The following LRRC38 variants were observed in gnomAD, a reference collection of about 807,000 sequenced individuals.
LRRC38 encodes leucine-rich repeat-containing protein 38.
Under a neutral mutation model 16.4 loss-of-function variants are expected in LRRC38, and 5 were observed. The ratio of observed to expected loss-of-function variants is 0.31; its 90% CI spans 0.16 to 0.64. The LOEUF is 0.64. LRRC38 is among the 30% of genes least tolerant of loss of function. LRRC38 has a pLI of 0.80. For missense variants in LRRC38, 341 were observed against 401.8 expected, an observed-to-expected ratio of 0.85 and a Z score of 1.29; for synonymous variants, 191 against 190.2, an observed-to-expected ratio of 1.00 and a Z score of -0.04.
rs1047416922 is a variant in LRRC38 at position 13,501,741 on chromosome 1, G to A, written c.631+11222C>T. Among the ~76,000 whole-genome samples, 167 of 144,760 alleles carry A rather than the reference G, an allele frequency of 1.2e-3. 1 individual carries two copies. Among genetic ancestry groups the A allele is most frequent in the African/African-American group, 3.1e-3 (122 of 39,036 alleles). The allele number at this position is 144,760 out of a possible 152,430, so 95.0% of individuals were successfully genotyped here. ...CCCTAGCAGCTGGGATTACAGGTGC[G>A]CGCCACCATGCCCGGCTCATTTTTG... On this transcript the variant is annotated intron_variant, in intron 1 of 1. Coordinates refer to ENST00000376085, the MANE Select transcript of LRRC38 (RefSeq NM_001010847.2).
At chr1:13,497,202 C>T (rs1168322484) in intron 1 of LRRC38, among the ~76,000 whole-genome samples, 2 of 152,008 alleles carry the variant, frequency 1.3e-5, no homozygotes, top group African/African-American at 4.8e-5. Flanking sequence ...AGCTCTGAGC[C>T]GAGGTGGAAC....
At chr1:13,478,490 C>T (rs1638813254) in intron 1 of LRRC38, among the ~76,000 whole-genome samples, 1 of 152,174 alleles carries the variant, frequency 6.6e-6, no homozygotes, top group Admixed American at 6.5e-5. Context: ...TGCCCTTTTC[C>T]CAGTGAGAAT....
intron 1 of LRRC38, among the ~76,000 whole-genome samples, chr1:13,505,483 G>A (rs12722783): frequency 1.3e-5 from 2 of 152,240 alleles, no homozygotes; most frequent in East Asian, 1.9e-4. Flanking sequence ...ATTTGGGCCC[G>A]TCCCTGGATG....
intron 1 of LRRC38, among the ~76,000 whole-genome samples, chr1:13,506,130 G>A (rs1639210512): frequency 1.3e-5 from 2 of 152,128 alleles, no homozygotes; most frequent in African/African-American, 2.4e-5. Flanking sequence ...AGCATCCCAC[G>A]AGATCGCACA....
intron 1 of LRRC38, among the ~76,000 whole-genome samples, chr1:13,504,870 A>AGAAAGC (rs1303767251): frequency 9.9e-5 from 15 of 151,872 alleles, no homozygotes; most frequent in African/African-American, 3.1e-4. Flanking sequence ...AAAGAAAAAG[A>AGAAAGC]GAAAGAAAAG....
chr1:13,512,925 C>A, intron 1 of LRRC38, 38 bp downstream of exon 1: 1 of 1,236,056 alleles, frequency 8.1e-7, no homozygotes, highest in Non-Finnish European at 1.1e-6. Context: ...CTCCCTGCCC[C>A]CCTCCCTCCC....
At chr1:13,498,408 G>A (rs987854492) in intron 1 of LRRC38, among the ~76,000 whole-genome samples, 3 of 152,082 alleles carry the variant, frequency 2.0e-5, no homozygotes, top group Non-Finnish European at 2.9e-5. Flanking sequence ...GAGGCAGGGG[G>A]AATCACAAGG....
intron 1 of LRRC38, among the ~76,000 whole-genome samples, chr1:13,482,027 C>A (rs989703862): frequency 3.9e-5 from 6 of 152,136 alleles, no homozygotes; most frequent in African/African-American, 1.4e-4. Context: ...CCTTCTAAGA[C>A]AGGCCTATTT....
chr1:13,481,223 T>C (rs957912394), intron 1 of LRRC38, among the ~76,000 whole-genome samples: 3 of 152,108 alleles, frequency 2.0e-5, no homozygotes, highest in African/African-American at 7.2e-5. Context: ...GCGATTCTCC[T>C]GCCTCAGCCT....
intron 1 of LRRC38, among the ~76,000 whole-genome samples, chr1:13,507,650 G>A (rs1036496093): frequency 1.5e-4 from 23 of 151,960 alleles, no homozygotes; most frequent in African/African-American, 5.3e-4. Flanking sequence ...TGGCCAACAT[G>A]GTGAAACCCC....
intron 1 of LRRC38, among the ~76,000 whole-genome samples, chr1:13,496,426 G>A (rs968662501): frequency 1.3e-5 from 2 of 152,008 alleles, no homozygotes; most frequent in African/African-American, 4.8e-5. Flanking sequence ...TCCCGCCTCA[G>A]CCTCCCAAGT....
At position 13,488,032 on chromosome 1, in the gene LRRC38, T is replaced by TTGTGTGTGTGTGTGTG. The variant is rs71570140; in HGVS notation, c.632-11949_632-11934dup. Reference sequence around the variant, plus strand: ...TATACCTTTTCTAGATTGTGTGTGTTTGTGTGTGTGTGTGTGTGTGTGTGT... The same window carrying TTGTGTGTGTGTGTGTG: ...TATACCTTTTCTAGATTGTGTGTGTTTGTGTGTGTGTGTGTGTGTGTGTGTGTGTGTGTGTGTGTGT... On this transcript the variant is annotated intron_variant, in intron 1 of 1. Coordinates refer to ENST00000376085, the MANE Select transcript of LRRC38 (RefSeq NM_001010847.2). Among the ~76,000 whole-genome samples the TTGTGTGTGTGTGTGTG allele has an allele frequency of 3.4e-3, 500 of 147,202 alleles. 1 individual carries two copies. Among genetic ancestry groups the TTGTGTGTGTGTGTGTG allele is most frequent in the East Asian group, 4.8e-3 (24 of 4,952 alleles).
At chr1:13,484,299 C>A (rs1034529578) in intron 1 of LRRC38, among the ~76,000 whole-genome samples, 1 of 152,154 alleles carries the variant, frequency 6.6e-6, no homozygotes, top group Non-Finnish European at 1.5e-5. Flanking sequence ...CTCCCCCTTC[C>A]CTCTTTGTTT....
At chr1:13,503,548 C>T (rs999889764) in intron 1 of LRRC38, among the ~76,000 whole-genome samples, 1 of 152,202 alleles carries the variant, frequency 6.6e-6, no homozygotes, top group Non-Finnish European at 1.5e-5. Context: ...GGATTACAGG[C>T]GTGAGCCACC....
intron 1 of LRRC38, among the ~76,000 whole-genome samples, chr1:13,504,818 AAAG>A (rs1471340380): frequency 1.3e-5 from 2 of 150,970 alleles, no homozygotes; most frequent in Admixed American, 6.6e-5. Context: ...AAGAAAGAGA[AAAG>A]AAGAAAAGAG....
At chr1:13,489,970 C>A (rs1013893727) in intron 1 of LRRC38, among the ~76,000 whole-genome samples, 2 of 152,100 alleles carry the variant, frequency 1.3e-5, no homozygotes, top group East Asian at 1.9e-4. Flanking sequence ...GTAAAAGGGA[C>A]CCTGCACCAG....
intron 1 of LRRC38, among the ~76,000 whole-genome samples, chr1:13,497,617 A>G (rs76020611): frequency 0.98 from 148,259 of 152,034 alleles, 72,326 homozygotes; most frequent in East Asian, 1. Context: ...CGATTCTGAA[A>G]ACTTCATATG....
intron 1 of LRRC38, among the ~76,000 whole-genome samples, chr1:13,501,363 T>C (rs1236178774): frequency 6.6e-6 from 1 of 152,124 alleles, no homozygotes; most frequent in African/African-American, 2.4e-5. Context: ...TCTGCTTAAT[T>C]TTCCATAAAC....
intron 1 of LRRC38, 39 bp downstream of exon 1, chr1:13,512,924 C>T (rs1266875605): frequency 1.2e-5 from 15 of 1,216,034 alleles, no homozygotes; most frequent in African/African-American, 3.0e-5. Flanking sequence ...TCTCCCTGCC[C>T]CCCTCCCTCC....
Sources: allele counts gnomAD v4.1 joint callset (sites outside exome capture counted in the v4.1 genomes callset), GRCh38; gene constraint gnomAD v4.1.1; transcripts MANE v1.5; gene names NCBI Gene and HGNC (gene_info 2026-07-23, HGNC 2026-07-21).